The following LRMDA variants were observed in gnomAD, a reference collection of about 807,000 sequenced individuals.
The protein encoded by LRMDA is leucine rich melanocyte differentiation associated, also known as leucine-rich melanocyte differentiation-associated protein.
In LRMDA, 18 loss-of-function variants were observed where a neutral mutation model predicts 29.8. The observed-to-expected ratio is 0.60, with a 90% confidence interval of 0.42 to 0.90. The LOEUF is 0.90. Ranked by LOEUF, LRMDA falls within the 40% of genes least tolerant of loss-of-function variation. The probability of loss-of-function intolerance (pLI) is 0.00; values close to 1 mark genes in which losing one functional copy is unlikely to be tolerated. For synonymous variants in LRMDA, 125 were observed against 109.4 expected (o/e 1.14, Z -0.89); for missense variants, 273 against 273.9 (o/e 1.00, Z 0.02).
intron 2 of LRMDA, among the ~76,000 whole-genome samples, chr10:75,748,302 C>T (rs1842913584): frequency 6.6e-6 from 1 of 152,146 alleles, no homozygotes; most frequent in South Asian, 2.1e-4. Flanking sequence ...CCATGTTGGC[C>T]AGGCTGGTCT....
At chr10:75,508,538 G>T (rs1298709579) in intron 2 of LRMDA, among the ~76,000 whole-genome samples, 1 of 152,174 alleles carries the variant, frequency 6.6e-6, no homozygotes, top group African/African-American at 2.4e-5. Context: ...GTTTGCTCCT[G>T]ACAGTCTAGG....
intron 6 of LRMDA, among the ~76,000 whole-genome samples, chr10:76,328,502 C>A (rs1218696211): frequency 6.6e-6 from 1 of 152,298 alleles, no homozygotes; most frequent in Non-Finnish European, 1.5e-5. Flanking sequence ...GCAAGGGAAA[C>A]AAAATCAAAG....
At chr10:75,672,378 C>G (rs1021249614) in intron 2 of LRMDA, among the ~76,000 whole-genome samples, 5 of 151,660 alleles carry the variant, frequency 3.3e-5, no homozygotes, top group South Asian at 2.1e-4. Context: ...ATTATTTTCT[C>G]TGTGTGTGTG....
At chr10:76,365,085 C>CATATATATAT (rs554375602) in intron 6 of LRMDA, among the ~76,000 whole-genome samples, 2 of 69,760 alleles carry the variant, frequency 2.9e-5, no homozygotes, top group Non-Finnish European at 6.9e-5. Context: ...CACACACACA[C>CATATATATAT]ATATATATAT....
At chr10:75,596,395 A>T (rs1418073098) in intron 2 of LRMDA, among the ~76,000 whole-genome samples, 1 of 152,182 alleles carries the variant, frequency 6.6e-6, no homozygotes, top group African/African-American at 2.4e-5. Context: ...TTGTCCAGTT[A>T]GTTGGATGGC....
intron 6 of LRMDA, among the ~76,000 whole-genome samples, chr10:76,331,310 A>G (rs1052818096): frequency 1.3e-5 from 2 of 152,138 alleles, no homozygotes; most frequent in Non-Finnish European, 2.9e-5. Flanking sequence ...GGGATGAACA[A>G]CCTGATGGTT....
chr10:75,574,031 G>C (rs1251639707), intron 2 of LRMDA, among the ~76,000 whole-genome samples: 1 of 151,886 alleles, frequency 6.6e-6, no homozygotes, highest in Admixed American at 6.6e-5. Context: ...ATGCCTCCTG[G>C]ACTAGTAGAG....
chr10:75,841,273 A>G (rs543692806), intron 2 of LRMDA, among the ~76,000 whole-genome samples: 2 of 152,348 alleles, frequency 1.3e-5, no homozygotes, highest in African/African-American at 4.8e-5. Context: ...AGTGCAGCAC[A>G]TGTGTCCTTA....
At chr10:75,753,633 C>G (rs577253740) in intron 2 of LRMDA, among the ~76,000 whole-genome samples, 4 of 152,212 alleles carry the variant, frequency 2.6e-5, no homozygotes, top group Admixed American at 1.3e-4. Context: ...CCAGAGCCAG[C>G]CTGTGGAGAG....
rs367595933 is a variant in LRMDA, at chr10:76,319,350, T to C, written c.517-5051T>C. 12 of 152,326 alleles carry C rather than the reference T, an allele frequency of 7.9e-5. No homozygotes were observed. The East Asian group carries it at 2.3e-3, about 29-fold the overall frequency. The allele number at this position is 152,326 out of a possible 1,614,324, so 9.4% of individuals were successfully genotyped here. A position where few individuals can be genotyped will look rare whatever the true frequency, so the allele number is the denominator to read the frequency against. On this transcript the variant is annotated intron_variant, in intron 5 of 6. Transcript: ENST00000611255. The stretch of plus-strand genomic sequence containing the variant: ...AATTTCAGAAAGTTAATATAGTTAA[T>C]CTCCAAAGCTCTCTGTTAGTATGAG...
intron 2 of LRMDA, among the ~76,000 whole-genome samples, chr10:75,633,121 G>T (rs190828101): frequency 6.6e-6 from 1 of 152,246 alleles, no homozygotes; most frequent in East Asian, 1.9e-4. Flanking sequence ...AAAAAATTAA[G>T]ACCAAACTTC....
intron 5 of LRMDA, among the ~76,000 whole-genome samples, chr10:76,276,051 A>ATCTATCTATCTATCTATCTTTCTTTC (rs1198060291): frequency 3.9e-5 from 5 of 127,588 alleles, no homozygotes; most frequent in South Asian, 4.6e-4. Context: ...CTATCTATCT[A>ATCTATCTATCTATCTATCTTTCTTTC]TCTCTTTCTT....
At chr10:76,310,780 A>G (rs950670105) in intron 5 of LRMDA, among the ~76,000 whole-genome samples, 72 of 152,310 alleles carry the variant, frequency 4.7e-4, no homozygotes, top group Admixed American at 6.5e-4. Flanking sequence ...GTTTTCCACT[A>G]ATATTGAAAT....
chr10:76,227,517 A>G lies in LRMDA; in HGVS notation c.517-96884A>G, dbSNP rs553807272. On this transcript the variant is annotated intron_variant, in intron 5 of 6. Transcript: ENST00000611255. ...GTCTTTGACAGACAGAGTAGAATGC[A>G]GAGGTTGTGGATAGTAGTGAATTTC... 1.6e-4 allele frequency among the ~76,000 whole-genome samples: 25 copies of G among 152,334 alleles called. 1 individual carries two copies. Among genetic ancestry groups the G allele is most frequent in the African/African-American group, 4.8e-4 (20 of 41,586 alleles).
intron 5 of LRMDA, among the ~76,000 whole-genome samples, chr10:76,159,130 A>G (rs1320502708): frequency 6.6e-6 from 1 of 152,180 alleles, no homozygotes; most frequent in Admixed American, 6.5e-5. Flanking sequence ...TTATTTTTTA[A>G]TTTGGAAAAA....
Position 75,804,835 on chromosome 10 carries a change from G to A in LRMDA, c.132-231173G>A, listed in dbSNP as rs968352485. ...GTTTCTGAGGTTGAGATTAAATGTT[G>A]GGAAGGCCATTTTCCCTGTGCATGA... On this transcript the variant is annotated intron_variant, in intron 2 of 6. Coordinates refer to ENST00000611255, the MANE Select transcript of LRMDA (RefSeq NM_001305581.2). Among the ~76,000 whole-genome samples the A allele has an allele frequency of 2.0e-5, 3 of 152,186 alleles. 1 individual carries two copies. In the South Asian group the frequency reaches 6.2e-4, roughly 31 times the overall value.
chr10:75,833,531 A>G (rs1483545106), intron 2 of LRMDA, among the ~76,000 whole-genome samples: 1 of 152,152 alleles, frequency 6.6e-6, no homozygotes, highest in East Asian at 1.9e-4. Context: ...ACACAGCTGT[A>G]TTCTCCTTCT....
chr10:75,682,724 T>C (rs1017155691), intron 2 of LRMDA, among the ~76,000 whole-genome samples: 8 of 152,120 alleles, frequency 5.3e-5, no homozygotes. Context: ...ATCTGGGGGC[T>C]GCTTCTTGGA....
At chr10:76,226,670 C>T (rs1376463996) in intron 5 of LRMDA, among the ~76,000 whole-genome samples, 1 of 152,180 alleles carries the variant, frequency 6.6e-6, no homozygotes, top group Non-Finnish European at 1.5e-5. Flanking sequence ...AAACCGCCCC[C>T]ATAATCCAGT....
Sources: gnomAD v4.1 joint callset for allele counts (sites outside exome capture counted in the v4.1 genomes callset) on GRCh38, gnomAD v4.1.1 for gene constraint, MANE v1.5 for transcripts, NCBI Gene and HGNC (gene_info 2026-07-23, HGNC 2026-07-21) for gene names.